MMP26: variants seen among roughly 807,000 people sequenced by gnomAD.
MMP26 encodes the protein matrix metallopeptidase 26.
A neutral mutation model predicts 31.0 loss-of-function variants in MMP26; 33 were observed. The observed-to-expected ratio is 1.06, with a 90% confidence interval of 0.81 to 1.42. The LOEUF (loss-of-function observed/expected upper bound fraction) is 1.42, where lower values mean the gene tolerates loss of function less well. Among genes scored for constraint, MMP26 ranks in the 40% most tolerant of loss-of-function variants. The probability of loss-of-function intolerance (pLI) is 0.00; values close to 1 mark genes in which losing one functional copy is unlikely to be tolerated. For synonymous variants in MMP26, 122 were observed against 114.9 expected (o/e 1.06, Z -0.40); for missense variants, 347 against 316.1 (o/e 1.10, Z -0.74).
intron 2 of MMP26, among the ~76,000 whole-genome samples, chr11:4,920,629 A>C (rs1410370941): frequency 6.6e-6 from 1 of 152,194 alleles, no homozygotes; most frequent in Non-Finnish European, 1.5e-5. Flanking sequence ...GCACAGAACA[A>C]TTAAACATAA....
intron 2 of MMP26, among the ~76,000 whole-genome samples, chr11:4,844,234 A>G (rs1336812947): frequency 6.6e-6 from 1 of 152,154 alleles, no homozygotes. Context: ...AATCCAAAAT[A>G]TAAACAGACA....
chr11:4,804,696 G>T (rs1281325877), intron 2 of MMP26: 2 of 416,938 alleles, frequency 4.8e-6, no homozygotes, highest in Non-Finnish European at 9.5e-6. Flanking sequence ...TATAATCCTA[G>T]CACTTTGGGA....
At chr11:4,899,421 T>A (rs574670604) in intron 2 of MMP26, among the ~76,000 whole-genome samples, 1 of 152,348 alleles carries the variant, frequency 6.6e-6, no homozygotes, top group African/African-American at 2.4e-5. Flanking sequence ...CTGCCATCTC[T>A]ATAATCCATT....
intron 2 of MMP26, among the ~76,000 whole-genome samples, chr11:4,862,751 A>G (rs1489583780): frequency 3.3e-5 from 5 of 152,144 alleles, no homozygotes; most frequent in African/African-American, 9.7e-5. Context: ...ATGACTGCTA[A>G]TAAGTTATTT....
At chr11:4,770,260 A>G (rs1009608962) in intron 2 of MMP26, among the ~76,000 whole-genome samples, 15 of 152,212 alleles carry the variant, frequency 9.9e-5, no homozygotes, top group African/African-American at 3.1e-4. Flanking sequence ...GCTGAGAAAA[A>G]ATAAGTATCC....
chr11:4,990,379 T>G lies in MMP26; in HGVS notation c.321-219T>G, dbSNP rs77388875. Among the ~76,000 whole-genome samples, 661 of 152,350 alleles carry G rather than the reference T, an allele frequency of 4.3e-3. 21 individuals carry two copies. The East Asian group carries it at 0.071, about 16-fold the overall frequency. On this transcript the variant is annotated intron_variant, in intron 4 of 7. Transcript: ENST00000380390. ...TCTTAGACTTTAGCTGACCTAAGAA[T>G]AATTTGGGATATTGTTAAAATTCTT...
At chr11:4,738,849 T>C (rs1848276461) in intron 1 of MMP26, among the ~76,000 whole-genome samples, 1 of 152,166 alleles carries the variant, frequency 6.6e-6, no homozygotes, top group African/African-American at 2.4e-5. Flanking sequence ...TCATACATTA[T>C]ATATATGTAG....
chr11:4,944,139 A>G (rs561399383), intron 2 of MMP26: 4 of 455,452 alleles, frequency 8.8e-6, no homozygotes, highest in Non-Finnish European at 1.3e-5. Flanking sequence ...AGATACAGTT[A>G]TGCACCTCAA....
In MMP26 at chr11:4,988,291, A is replaced by T; in HGVS notation, c.80A>T (p.Lys27Ile). ...CCAGTGCCCCCTGCTGCAGACCATA[A>T]AGGATGGGACTTTGTTGAGGTAGGT... ...AVPVPPAADH[K>I]GWDFVEGYFH... Residue 27 changes from lysine to isoleucine, a missense_variant, in exon 3 of 8, where the codon AAA (lysine) becomes ATA (isoleucine). Transcript: ENST00000380390. 1 of 1,613,930 alleles carries T rather than the reference A, an allele frequency of 6.2e-7. No individual in the cohort carries two copies. The highest frequency in any genetic ancestry group is 8.5e-7 in the Non-Finnish European group (1 of 1,179,970).
intron 2 of MMP26, among the ~76,000 whole-genome samples, chr11:4,864,124 C>A (rs1399322497): frequency 1.3e-5 from 2 of 151,998 alleles, no homozygotes; most frequent in Non-Finnish European, 2.9e-5. Context: ...TTGTTTGGAA[C>A]GGATAGAATG....
At chr11:4,724,407 T>C (rs1164317131) in intron 1 of MMP26, among the ~76,000 whole-genome samples, 3 of 152,234 alleles carry the variant, frequency 2.0e-5, no homozygotes, top group Non-Finnish European at 2.9e-5. Flanking sequence ...ACATTTTCTC[T>C]GGCCTAAATA....
chr11:4,935,526 G>A (rs1478913989), intron 2 of MMP26, among the ~76,000 whole-genome samples: 1 of 151,108 alleles, frequency 6.6e-6, no homozygotes, highest in East Asian at 1.9e-4. Flanking sequence ...CTGCAAACAG[G>A]GACAATTTGA....
intron 2 of MMP26, among the ~76,000 whole-genome samples, chr11:4,812,002 G>C (rs1007435470): frequency 6.6e-6 from 1 of 152,130 alleles, no homozygotes; most frequent in Non-Finnish European, 1.5e-5. Context: ...TCGAAGCCCA[G>C]TTTCCACTGG....
chr11:4,798,185 A>G (rs1849133240), intron 2 of MMP26, among the ~76,000 whole-genome samples: 1 of 152,242 alleles, frequency 6.6e-6, no homozygotes, highest in Admixed American at 6.5e-5. Flanking sequence ...GTCCAGATTC[A>G]TCAGGGGTGG....
At chr11:4,724,545 A>T (rs971622033) in intron 1 of MMP26, among the ~76,000 whole-genome samples, 1 of 152,262 alleles carries the variant, frequency 6.6e-6, no homozygotes, top group Non-Finnish European at 1.5e-5. Flanking sequence ...GTGAAACGCA[A>T]GGATTAGAAA....
chr11:4,749,227 C>T (rs537268929), intron 1 of MMP26, among the ~76,000 whole-genome samples: 4 of 151,740 alleles, frequency 2.6e-5, no homozygotes, highest in South Asian at 2.1e-4. Context: ...TTCATTTAAT[C>T]GAGGAGGTGA....
At chr11:4,853,383 A>G (rs1409079215) in intron 2 of MMP26, among the ~76,000 whole-genome samples, 1 of 152,310 alleles carries the variant, frequency 6.6e-6, no homozygotes, top group East Asian at 1.9e-4. Context: ...ATACTTTAAT[A>G]AAGCTGAAAA....
chr11:4,822,726 C>T (rs540038481), intron 2 of MMP26, among the ~76,000 whole-genome samples: 2 of 152,220 alleles, frequency 1.3e-5, no homozygotes, highest in South Asian at 2.1e-4. Context: ...CTGAATGACA[C>T]ACAGAAAACA....
intron 2 of MMP26, chr11:4,908,085 C>T (rs746387952): frequency 6.2e-7 from 1 of 1,614,086 alleles, no homozygotes. Flanking sequence ...GCCCTAAATA[C>T]CTGTGTCTCC....
Sources: allele counts gnomAD v4.1 joint callset (sites outside exome capture counted in the v4.1 genomes callset), GRCh38; gene constraint gnomAD v4.1.1; transcripts MANE v1.5; gene names NCBI Gene and HGNC (gene_info 2026-07-23, HGNC 2026-07-21).